The following FSTL4 variants were observed in gnomAD, a reference collection of about 807,000 sequenced individuals.
FSTL4 encodes the protein follistatin like 4.
A neutral mutation model predicts 78.2 loss-of-function variants in FSTL4; 28 were observed. The ratio of observed to expected loss-of-function variants is 0.36; its 90% CI spans 0.27 to 0.49. The LOEUF (loss-of-function observed/expected upper bound fraction) is 0.49. Among genes scored for constraint, FSTL4 ranks in the 20% least tolerant of loss-of-function variants. The probability of loss-of-function intolerance (pLI) is 0.98; values close to 1 mark genes in which losing one functional copy is unlikely to be tolerated. For missense variants in FSTL4, 922 were observed against 1,084.9 expected (o/e 0.85, Z 2.11); for synonymous variants, 422 against 440.5 (o/e 0.96, Z 0.53).
intron 2 of FSTL4, among the ~76,000 whole-genome samples, chr5:133,577,633 G>A (rs1760312467): frequency 1.3e-5 from 2 of 152,324 alleles, no homozygotes; most frequent in East Asian, 3.9e-4. Flanking sequence ...GACCAGATGT[G>A]AAGGGGAGAG....
At chr5:133,401,527 A>C (rs1435793408) in intron 3 of FSTL4, among the ~76,000 whole-genome samples, 3 of 152,098 alleles carry the variant, frequency 2.0e-5, no homozygotes, top group Admixed American at 2.0e-4. Flanking sequence ...TTACTATGTC[A>C]TGACTTTGGA....
intron 6 of FSTL4, among the ~76,000 whole-genome samples, chr5:133,299,574 C>T (rs540613213): frequency 6.6e-6 from 1 of 152,274 alleles, no homozygotes; most frequent in African/African-American, 2.4e-5. Flanking sequence ...TCTGGGGGCC[C>T]TGCTCAGCCC....
In FSTL4 at chr5:133,278,343, C is replaced by T. The variant is rs183822189; in HGVS notation, c.728-28767G>A. 3.6e-3 allele frequency among the ~76,000 whole-genome samples: 545 copies of T among 152,330 alleles called. 1 individual carries two copies. Among genetic ancestry groups the T allele is most frequent in the African/African-American group, 0.012 (502 of 41,576 alleles). On this transcript the variant is annotated intron_variant, in intron 6 of 15. Coordinates refer to ENST00000265342, the MANE Select transcript of FSTL4 (RefSeq NM_015082.2). ...CTCTCTCAGCTCCCCAGGCCCTCTG[C>T]CACACCTCGGCTGCAGTCTTGGCTT...
the FSTL4 span, among the ~76,000 whole-genome samples, chr5:133,687,413 G>A: frequency 2.6e-4 from 40 of 152,202 alleles, 1 homozygote; most frequent in African/African-American, 4.1e-4. Context: ...AAACAAAGCC[G>A]CAGCCCTCTT....
chr5:133,688,147 G>A, the FSTL4 span, among the ~76,000 whole-genome samples: 6 of 152,188 alleles, frequency 3.9e-5, no homozygotes, highest in South Asian at 4.1e-4. Context: ...AGGGGCTCAC[G>A]CCTGTAATCC....
chr5:133,679,929 A>G, the FSTL4 span, among the ~76,000 whole-genome samples: 22 of 152,168 alleles, frequency 1.4e-4, no homozygotes, highest in African/African-American at 5.1e-4. Context: ...CAAGAAGTCC[A>G]CCCCATACTA....
chr5:133,282,262 C>T (rs1442551780), intron 6 of FSTL4, among the ~76,000 whole-genome samples: 1 of 152,092 alleles, frequency 6.6e-6, no homozygotes, highest in African/African-American at 2.4e-5. Flanking sequence ...CTTCTGTGGG[C>T]ACACATGAAC....
intron 6 of FSTL4, among the ~76,000 whole-genome samples, chr5:133,298,731 T>A (rs1753464843): frequency 6.6e-6 from 1 of 152,222 alleles, no homozygotes; most frequent in Admixed American, 6.5e-5. Flanking sequence ...GGTGTCTCAG[T>A]TCGCTCTGGA....
the FSTL4 span, chr5:133,720,890 A>C: frequency 5.3e-5 from 8 of 152,356 alleles, no homozygotes; most frequent in Admixed American, 5.2e-4. Context: ...GTGTGCCCCC[A>C]AAAATGCTAT....
chr5:133,632,800 A>G, the FSTL4 span, among the ~76,000 whole-genome samples: 2 of 152,010 alleles, frequency 1.3e-5, no homozygotes, highest in Admixed American at 1.3e-4. Flanking sequence ...AATCCTCCCA[A>G]TGCAGCCTCC....
chr5:133,527,930 C>T (rs1208161318), intron 3 of FSTL4, among the ~76,000 whole-genome samples: 2 of 152,186 alleles, frequency 1.3e-5, no homozygotes, highest in African/African-American at 2.4e-5. Flanking sequence ...CACTCACCTG[C>T]AAGTTATTAA....
intron 4 of FSTL4, among the ~76,000 whole-genome samples, chr5:133,395,277 A>C (rs1001212215): frequency 6.6e-6 from 1 of 152,046 alleles, no homozygotes; most frequent in Admixed American, 6.5e-5. Flanking sequence ...CTGCAGCTTC[A>C]CTTCTGAGGC....
intron 6 of FSTL4, among the ~76,000 whole-genome samples, chr5:133,250,834 G>C (rs1752207539): frequency 6.6e-6 from 1 of 152,224 alleles, no homozygotes; most frequent in Admixed American, 6.5e-5. Context: ...CTCCGCCCTG[G>C]GCTCACAAAG....
the FSTL4 span, among the ~76,000 whole-genome samples, chr5:133,758,699 A>C: frequency 1.3e-5 from 2 of 152,346 alleles, no homozygotes; most frequent in African/African-American, 4.8e-5. Flanking sequence ...ATTACCTCCA[A>C]AATTTAGCTG....
In FSTL4 at chr5:133,440,776, G is replaced by C. The variant is rs900926019; in HGVS notation, c.161-39790C>G. Among the ~76,000 whole-genome samples the C allele has an allele frequency of 6.6e-6, 1 of 152,252 alleles. No homozygotes were observed. ...AAGACACGTTTCAGGCAGGACATGA[G>C]AACCACGCCCCCAGCCCTCACCCAC... On this transcript the variant is annotated intron_variant, in intron 3 of 15. Coordinates refer to ENST00000265342, the MANE Select transcript of FSTL4 (RefSeq NM_015082.2). This position sits in a 1 kb window ranked among gnomAD's most constrained non-coding sequence, Gnocchi z 4.1.
the FSTL4 span, among the ~76,000 whole-genome samples, chr5:133,742,005 A>C: frequency 6.6e-6 from 1 of 152,222 alleles, no homozygotes; most frequent in Admixed American, 6.5e-5. Flanking sequence ...AAGGACCAAC[A>C]TTGCATGAAC....
Position 133,570,134 on chromosome 5 carries a change from G to A in FSTL4, c.127-2915C>T, listed in dbSNP as rs555202359. Among the ~76,000 whole-genome samples, 184 of 151,662 alleles carry A rather than the reference G, an allele frequency of 1.2e-3. 1 individual carries two copies. The highest frequency in any genetic ancestry group is 4.1e-3 in the African/African-American group (168 of 41,422). On this transcript the variant is annotated intron_variant, in intron 2 of 15. Transcript: ENST00000265342. ...TGAGGCTGGAGAATGGACTGAACCCGGGAGGTGGAGCTTGCAGTGAGCCGA... is the reference window on the plus strand; with the variant it reads ...TGAGGCTGGAGAATGGACTGAACCCAGGAGGTGGAGCTTGCAGTGAGCCGA...
the FSTL4 span, among the ~76,000 whole-genome samples, chr5:133,828,093 G>A: frequency 6.6e-6 from 1 of 152,274 alleles, no homozygotes; most frequent in East Asian, 1.9e-4. Flanking sequence ...GGGACATATG[G>A]TCAGTGTTCA....
At chr5:133,486,634 C>A (rs1448611831) in intron 3 of FSTL4, among the ~76,000 whole-genome samples, 1 of 152,138 alleles carries the variant, frequency 6.6e-6, no homozygotes, top group African/African-American at 2.4e-5. Flanking sequence ...GCCAAAACAA[C>A]CCTGGTGACC....
Sources: allele counts gnomAD v4.1 joint callset (sites outside exome capture counted in the v4.1 genomes callset), GRCh38; gene constraint gnomAD v4.1.1; non-coding constraint Gnocchi (gnomAD v3.1); transcripts MANE v1.5; gene names NCBI Gene and HGNC (gene_info 2026-07-23, HGNC 2026-07-21).